Variants in IGLL5 observed in about 807,000 individuals in gnomAD.
The protein encoded by IGLL5 is immunoglobulin lambda like polypeptide 5, also known as immunoglobulin lambda-like polypeptide 5.
Under a neutral mutation model 20.9 loss-of-function variants are expected in IGLL5, and 30 were observed. The ratio of observed to expected loss-of-function variants is 1.44; its 90% CI spans 1.07 to 1.95. The LOEUF (loss-of-function observed/expected upper bound fraction) is 1.95. Among genes scored for constraint, IGLL5 ranks in the 30% most tolerant of loss-of-function variants. The probability of loss-of-function intolerance (pLI) is 0.00; values close to 1 mark genes in which losing one functional copy is unlikely to be tolerated. For missense variants in IGLL5, 475 were observed against 270.7 expected, an observed-to-expected ratio of 1.75 and a Z score of -5.30; for synonymous variants, 203 against 117.3, an observed-to-expected ratio of 1.73 and a Z score of -4.72.
intron 2 of IGLL5, among the ~76,000 whole-genome samples, 197 bp downstream of exon 2, chr22:22,894,015 G>T: frequency 6.7e-6 from 1 of 149,382 alleles, no homozygotes; most frequent in East Asian, 2.0e-4. Flanking sequence ...GGAGCAGCCG[G>T]ATGCAGCCTG....
chr22:22,889,269 C>T (rs2067702294), intron 1 of IGLL5, among the ~76,000 whole-genome samples: 5 of 151,004 alleles, frequency 3.3e-5, no homozygotes, highest in South Asian at 2.1e-4. Flanking sequence ...GCCCAGTTTC[C>T]TATGAAATGG....
intron 2 of IGLL5, among the ~76,000 whole-genome samples, chr22:22,894,307 G>A (rs1186569377): frequency 6.6e-6 from 1 of 151,406 alleles, no homozygotes; most frequent in Non-Finnish European, 1.5e-5. Context: ...TGGTGACACA[G>A]AGGTCACCCC....
chr22:22,894,202 GCT>G (rs2146036063), intron 2 of IGLL5, among the ~76,000 whole-genome samples: 1 of 151,266 alleles, frequency 6.6e-6, no homozygotes, highest in African/African-American at 2.4e-5. Flanking sequence ...CCTGGGAGCT[GCT>G]GAGTCTCATA....
At chr22:22,893,988 G>A (rs1601622481) in intron 2 of IGLL5, among the ~76,000 whole-genome samples, 170 bp downstream of exon 2, 5 of 151,574 alleles carry the variant, frequency 3.3e-5, no homozygotes, top group African/African-American at 9.7e-5. Flanking sequence ...TAACCGGCAG[G>A]AAGGGCCTCC....
At chr22:22,889,538 T>A (rs2067730762) in intron 1 of IGLL5, among the ~76,000 whole-genome samples, 1 of 151,122 alleles carries the variant, frequency 6.6e-6, no homozygotes, top group Admixed American at 6.6e-5. Flanking sequence ...CTGGAAAAAA[T>A]CCAAATATCT....
At chr22:22,894,000 C>A (rs569795440) in intron 2 of IGLL5, among the ~76,000 whole-genome samples, 182 bp downstream of exon 2, 1 of 150,054 alleles carries the variant, frequency 6.7e-6, no homozygotes, top group Non-Finnish European at 1.5e-5. Flanking sequence ...AGGGCCTCCA[C>A]AGTGGGAGCA....
intron 1 of IGLL5, among the ~76,000 whole-genome samples, chr22:22,888,824 A>C (rs549312772): frequency 2.6e-5 from 4 of 151,386 alleles, no homozygotes; most frequent in Middle Eastern, 3.7e-3. Context: ...CAGTCATTGG[A>C]ACAGGCCCAC....
chr22:22,891,475 C>A (rs2067845318), intron 1 of IGLL5, among the ~76,000 whole-genome samples: 2 of 150,948 alleles, frequency 1.3e-5, no homozygotes, highest in African/African-American at 4.9e-5. Flanking sequence ...GGAAAGAACC[C>A]GTCATTGTTA....
At chr22:22,889,034 G>C (rs1601605725) in intron 1 of IGLL5, among the ~76,000 whole-genome samples, 1 of 151,414 alleles carries the variant, frequency 6.6e-6, no homozygotes, top group Non-Finnish European at 1.5e-5. Context: ...TAGGGTCCGT[G>C]CACCATTCCC....
In IGLL5 at chr22:22,889,829, T is replaced by G. The variant is rs191237407; in HGVS notation, c.206+1570T>G. 2.2e-3 allele frequency among the ~76,000 whole-genome samples: 335 copies of G among 151,376 alleles called. 3 individuals are homozygous for G. In the South Asian group the frequency reaches 0.03, roughly 13 times the overall value. On this transcript the variant is annotated intron_variant, in intron 1 of 2. Transcript: ENST00000526893. ...TCAGGCCTGTCTCAAATTCCTAAGC[T>G]CAAGCAATCTTTCTGCCTCAGTTTC...
At position 22,893,836 on chromosome 22, in the gene IGLL5, T is replaced by G. The variant is rs375635458; in HGVS notation, c.325+18T>G. 1 of 1,503,888 alleles carries G rather than the reference T, an allele frequency of 6.6e-7. No homozygotes were observed. 93.2% of individuals were successfully genotyped at this position (1,503,888 alleles called of 1,614,324 possible). ...CGTCCTAGGTAAGTGGCTCTCAACC[T>G]TTCCCAGCCTGTCTCACCCTCTGCT... On this transcript the variant is annotated intron_variant, in intron 2 of 2. Transcript: ENST00000526893.
rs555906838 is a variant in IGLL5, at chr22:22,888,252, T to C, written c.199T>C (p.Trp67Arg). The change falls in exon 1 of 3, where the codon TGG becomes CGG. Residue 67 changes from tryptophan to arginine, a missense_variant. Trp to Arg is a moderately radical substitution (Grantham distance 101). Coordinates refer to ENST00000526893, the MANE Select transcript of IGLL5 (RefSeq NM_001178126.2). ...CAGCCGATCCAGCCTGCGGAGCCTG[T>C]GGGGCAGGTAAGGGGCAAGAGATTC... ...GSSRSSLRSL[W>R]GRLLLQPSPQ... 2 of 1,547,220 alleles carry C rather than the reference T, an allele frequency of 1.3e-6. No individual in the cohort carries two copies. Among genetic ancestry groups the C allele is most frequent in the African/African-American group, 1.4e-5 (1 of 72,678 alleles).
At chr22:22,892,171 A>C (rs891791705) in intron 1 of IGLL5, among the ~76,000 whole-genome samples, 11 of 151,294 alleles carry the variant, frequency 7.3e-5, no homozygotes, top group African/African-American at 2.7e-4. Flanking sequence ...AATTTTCTTC[A>C]GTAACTTAAT....
At chr22:22,888,982 T>A in intron 1 of IGLL5, among the ~76,000 whole-genome samples, 1 of 151,342 alleles carries the variant, frequency 6.6e-6, no homozygotes. Flanking sequence ...AGGATGAGGC[T>A]GGGAGCTCCT....
In IGLL5 at chr22:22,894,085, A is replaced by T. The variant is rs746437955; in HGVS notation, c.325+267A>T. Among the ~76,000 whole-genome samples the T allele has an allele frequency of 1.3e-5, 2 of 151,386 alleles. 1 individual carries two copies. Among genetic ancestry groups the T allele is most frequent in the Non-Finnish European group, 2.9e-5 (2 of 67,884 alleles). ...GGGCTCCTCCTCTCTTCCAGGGCAG[A>T]TGTCTGAGTGAGGGACAGAGGCTGG... On this transcript the variant is annotated intron_variant, in intron 2 of 2. Coordinates refer to ENST00000526893, the MANE Select transcript of IGLL5 (RefSeq NM_001178126.2).
intron 1 of IGLL5, among the ~76,000 whole-genome samples, chr22:22,888,577 C>G (rs1045572020): frequency 1.3e-5 from 2 of 151,374 alleles, no homozygotes; most frequent in Admixed American, 6.6e-5. Flanking sequence ...AGGGACAGGA[C>G]ATCCACAGGG....
Position 22,892,830 on chromosome 22 carries a change from G to C in IGLL5, c.207-870G>C, listed in dbSNP as rs117765836. On this transcript the variant is annotated intron_variant, in intron 1 of 2. Transcript: ENST00000526893. Reference sequence around the variant, plus strand: ...AGAGCAGAACCCAGGGTGGGGATCTGGGAGTCAGCAGTTGGGCATGGGCCT... The same window carrying C: ...AGAGCAGAACCCAGGGTGGGGATCTCGGAGTCAGCAGTTGGGCATGGGCCT... 5.3e-5 allele frequency among the ~76,000 whole-genome samples: 8 copies of C among 151,202 alleles called. No homozygotes were observed. The East Asian group carries it at 1.6e-3, about 31-fold the overall frequency.
At chr22:22,893,980 ACC>A (rs2067961066) in intron 2 of IGLL5, among the ~76,000 whole-genome samples, 162 bp downstream of exon 2, 1 of 151,140 alleles carries the variant, frequency 6.6e-6, no homozygotes, top group Admixed American at 6.6e-5. Context: ...TCTCCGGGTA[ACC>A]GGCAGGAAGG....
intron 2 of IGLL5, among the ~76,000 whole-genome samples, 175 bp from the exon 3 acceptor site, chr22:22,895,200 C>T (rs2066731482): frequency 6.6e-6 from 1 of 151,428 alleles, no homozygotes; most frequent in Admixed American, 6.6e-5. Context: ...AGGCACAGAG[C>T]TGTCTGCTCT....
Sources: allele counts gnomAD v4.1 joint callset (sites outside exome capture counted in the v4.1 genomes callset), GRCh38; gene constraint gnomAD v4.1.1; transcripts MANE v1.5; gene names NCBI Gene and HGNC (gene_info 2026-07-23, HGNC 2026-07-21).